PLCB1: variants seen among roughly 807,000 people sequenced by gnomAD.
PLCB1 encodes the protein phospholipase C beta 1.
A neutral mutation model predicts 161.8 loss-of-function variants in PLCB1; 46 were observed. The ratio of observed to expected loss-of-function variants is 0.28; its 90% confidence interval spans 0.22 to 0.36. The LOEUF is 0.36. Among genes scored for constraint, PLCB1 ranks in the 10% least tolerant of loss-of-function variants. The pLI is 1.00. For synonymous variants in PLCB1, 517 were observed against 503.7 expected (o/e 1.03, Z -0.35); for missense variants, 1,016 against 1,472.5 (o/e 0.69, Z 5.07).
intron 31 of PLCB1, among the ~76,000 whole-genome samples, chr20:8,832,185 T>C (rs934405258): frequency 6.6e-6 from 1 of 152,138 alleles, no homozygotes; most frequent in South Asian, 2.1e-4. Flanking sequence ...CTAGGAATGG[T>C]AAGGTCAGAG....
intron 2 of PLCB1, among the ~76,000 whole-genome samples, chr20:8,212,030 C>T (rs142983223): frequency 2.3e-4 from 35 of 152,160 alleles, no homozygotes; most frequent in African/African-American, 6.7e-4. Flanking sequence ...TATGCTCCGA[C>T]GTCAGTGAAC....
At chr20:8,876,722 G>C (rs1987793967) in intron 31 of PLCB1, among the ~76,000 whole-genome samples, 1 of 152,120 alleles carries the variant, frequency 6.6e-6, no homozygotes, top group Non-Finnish European at 1.5e-5. Flanking sequence ...GGGTGAGCTG[G>C]TTTAGAATAG....
intron 3 of PLCB1, among the ~76,000 whole-genome samples, chr20:8,586,548 G>A (rs1026369078): frequency 6.6e-6 from 1 of 152,044 alleles, no homozygotes; most frequent in Non-Finnish European, 1.5e-5. Flanking sequence ...GCAGAGCCAG[G>A]CTTGATAATT....
At chr20:8,709,367 A>T (rs947559252) in intron 12 of PLCB1, among the ~76,000 whole-genome samples, 5 of 152,232 alleles carry the variant, frequency 3.3e-5, no homozygotes. Context: ...AGAGAGACAC[A>T]TTTATATCTA....
chr20:8,224,280 C>T (rs924453139), intron 2 of PLCB1, among the ~76,000 whole-genome samples: 4 of 152,082 alleles, frequency 2.6e-5, no homozygotes, highest in African/African-American at 7.2e-5. Flanking sequence ...TAAAAATGAT[C>T]GTATCTATCT....
chr20:8,516,815 G>A (rs1307002827), intron 3 of PLCB1, among the ~76,000 whole-genome samples: 1 of 151,378 alleles, frequency 6.6e-6, no homozygotes, highest in African/African-American at 2.4e-5. Flanking sequence ...AAGGTGAAAA[G>A]GGTATTCACT....
intron 2 of PLCB1, among the ~76,000 whole-genome samples, chr20:8,301,281 A>G (rs1983899680): frequency 6.6e-6 from 1 of 152,192 alleles, no homozygotes. Flanking sequence ...TGCAAAGAAA[A>G]GAAGCTGCTT....
At chr20:8,792,593 T>A (rs574978012) in intron 31 of PLCB1, 1 of 471,340 alleles carries the variant, frequency 2.1e-6, no homozygotes, top group South Asian at 1.5e-5. Context: ...ATAGGTACCA[T>A]GATGAATTCC....
intron 3 of PLCB1, among the ~76,000 whole-genome samples, chr20:8,544,716 T>C (rs541240595): frequency 1.3e-5 from 2 of 152,348 alleles, no homozygotes; most frequent in African/African-American, 4.8e-5. Flanking sequence ...TCAGGGCATG[T>C]GCAAGTTTTC....
chr20:8,823,097 G>A (rs951304943), intron 31 of PLCB1, among the ~76,000 whole-genome samples: 45 of 152,064 alleles, frequency 3.0e-4, no homozygotes, highest in African/African-American at 9.4e-4. Context: ...GATGTGCAAC[G>A]GGCATATGCA....
At chr20:8,513,004 C>T (rs528593434) in intron 3 of PLCB1, among the ~76,000 whole-genome samples, 9 of 152,072 alleles carry the variant, frequency 5.9e-5, no homozygotes, top group Admixed American at 2.0e-4. Context: ...TCTACGAGTT[C>T]GAATTTTTAG....
In PLCB1 at chr20:8,430,408, G is replaced by A. The variant is rs1979986684; in HGVS notation, c.246+58958G>A. On this transcript the variant is annotated intron_variant, in intron 3 of 31. Coordinates refer to ENST00000338037, the MANE Select transcript of PLCB1 (RefSeq NM_015192.4). ...ATGTTTCAGGAAAACTGGGAACAAA[G>A]CATGGTTGGAAATAGCAGGCTAAGC... Among the ~76,000 whole-genome samples the A allele has an allele frequency of 3.3e-5, 5 of 149,880 alleles. 1 individual carries two copies. In the South Asian group the frequency reaches 1.0e-3, roughly 31 times the overall value.
intron 31 of PLCB1, among the ~76,000 whole-genome samples, chr20:8,854,984 A>T (rs1987021492): frequency 1.3e-5 from 2 of 152,246 alleles, no homozygotes; most frequent in Admixed American, 1.3e-4. Flanking sequence ...GGAAAAGTTT[A>T]AATAACATAA....
intron 9 of PLCB1, among the ~76,000 whole-genome samples, chr20:8,670,271 A>G (rs1370205061): frequency 6.6e-6 from 1 of 152,214 alleles, no homozygotes; most frequent in Non-Finnish European, 1.5e-5. Flanking sequence ...TCTTCTGCCT[A>G]CCAAATAGAA....
At chr20:8,243,310 A>G (rs778841906) in intron 2 of PLCB1, among the ~76,000 whole-genome samples, 8 of 152,004 alleles carry the variant, frequency 5.3e-5, no homozygotes, top group Non-Finnish European at 1.0e-4. Context: ...CTTAGACTAC[A>G]AATGCAAAGA....
intron 31 of PLCB1, among the ~76,000 whole-genome samples, chr20:8,876,433 T>C (rs150500128): frequency 3.1e-4 from 47 of 152,294 alleles, no homozygotes; most frequent in African/African-American, 1.1e-3. Flanking sequence ...TGATTTTTTT[T>C]CCAAGAATAT....
intron 3 of PLCB1, among the ~76,000 whole-genome samples, chr20:8,477,440 T>C (rs1170491801): frequency 6.6e-6 from 1 of 152,186 alleles, no homozygotes; most frequent in East Asian, 1.9e-4. Flanking sequence ...TCTGAAATAG[T>C]ATAAAATAAT....
intron 2 of PLCB1, among the ~76,000 whole-genome samples, chr20:8,250,842 C>T (rs1981102831): frequency 6.6e-6 from 1 of 151,914 alleles, no homozygotes; most frequent in African/African-American, 2.4e-5. Context: ...TTGCTAGCTG[C>T]TGTGGATTCA....
intron 16 of PLCB1, among the ~76,000 whole-genome samples, chr20:8,725,804 A>G (rs890526587): frequency 4.6e-4 from 70 of 152,244 alleles, no homozygotes; most frequent in African/African-American, 1.6e-3. Context: ...AGAAAGAGCC[A>G]ATATATTTAG....
Sources: gnomAD v4.1 joint callset for allele counts (sites outside exome capture counted in the v4.1 genomes callset) on GRCh38, gnomAD v4.1.1 for gene constraint, MANE v1.5 for transcripts, NCBI Gene and HGNC (gene_info 2026-07-23, HGNC 2026-07-21) for gene names.